SBF2: variants seen among roughly 807,000 people sequenced by gnomAD.
The protein encoded by SBF2 is myotubularin-related protein 13.
In SBF2, 112 loss-of-function variants were observed where a neutral mutation model predicts 225.2. The observed-to-expected ratio is 0.50, with a 90% CI of 0.43 to 0.58. SBF2 has a LOEUF of 0.58. Among genes scored for constraint, SBF2 ranks in the 20% least tolerant of loss-of-function variants. The pLI, the probability that SBF2 is intolerant of heterozygous loss-of-function variation, is 0.00. For synonymous variants in SBF2, 763 were observed against 773.3 expected, an observed-to-expected ratio of 0.99 and a Z score of 0.22; for missense variants, 1,996 against 2,206.2, an observed-to-expected ratio of 0.90 and a Z score of 1.91.
At chr11:10,028,114 A>G (rs555785580) in intron 6 of SBF2, among the ~76,000 whole-genome samples, 2 of 151,954 alleles carry the variant, frequency 1.3e-5, no homozygotes, top group African/African-American at 2.4e-5. Context: ...GGGTCTCACT[A>G]TGTTGTCCAG....
chr11:10,058,168 C>T (rs1340686365), intron 2 of SBF2, among the ~76,000 whole-genome samples: 1 of 152,128 alleles, frequency 6.6e-6, no homozygotes, highest in Non-Finnish European at 1.5e-5. Flanking sequence ...CTAGGCCAAA[C>T]TGGATGGATT....
At chr11:10,018,052 T>C (rs974153449) in intron 6 of SBF2, among the ~76,000 whole-genome samples, 2 of 152,038 alleles carry the variant, frequency 1.3e-5, no homozygotes, top group Non-Finnish European at 1.5e-5. Flanking sequence ...GCCTTGTGAG[T>C]AGAGCAGCAA....
chr11:10,233,001 C>T (rs2135439983), intron 1 of SBF2, among the ~76,000 whole-genome samples: 2 of 152,264 alleles, frequency 1.3e-5, no homozygotes, highest in Middle Eastern at 3.4e-3. Context: ...CCCCAGTTGC[C>T]AGAGGTCATG....
intron 28 of SBF2, chr11:9,828,511 T>C (rs1590170449): frequency 2.0e-6 from 2 of 985,372 alleles, no homozygotes; most frequent in Admixed American, 6.1e-5. Flanking sequence ...TTTCTGCTTA[T>C]GTTGAGCTAA....
intron 1 of SBF2, among the ~76,000 whole-genome samples, chr11:10,245,552 T>C (rs1323336937): frequency 6.6e-6 from 1 of 152,150 alleles, no homozygotes; most frequent in Non-Finnish European, 1.5e-5. Flanking sequence ...TTGGTGGGAC[T>C]ATAAATTGGT....
At chr11:9,904,578 T>C (rs1861977574) in intron 16 of SBF2, among the ~76,000 whole-genome samples, 1 of 152,174 alleles carries the variant, frequency 6.6e-6, no homozygotes, top group Non-Finnish European at 1.5e-5. Flanking sequence ...ATATTGAAGA[T>C]TAAAAGAAAT....
At chr11:9,880,587 T>A (rs1400061256) in intron 17 of SBF2, among the ~76,000 whole-genome samples, 2 of 152,200 alleles carry the variant, frequency 1.3e-5, no homozygotes, top group African/African-American at 4.8e-5. Flanking sequence ...ACTAGCCTAC[T>A]AAGTGGCCTC....
intron 1 of SBF2, among the ~76,000 whole-genome samples, chr11:10,241,076 A>C (rs989920742): frequency 6.6e-6 from 1 of 152,148 alleles, no homozygotes; most frequent in Non-Finnish European, 1.5e-5. Context: ...AGTGGCCAGG[A>C]GCGGTAGCTC....
At chr11:10,064,823 A>C (rs77883822) in intron 2 of SBF2, among the ~76,000 whole-genome samples, 1 of 152,230 alleles carries the variant, frequency 6.6e-6, no homozygotes, top group Non-Finnish European at 1.5e-5. Context: ...AATATCCTCT[A>C]TTTCAGTCAA....
At position 9,858,299 on chromosome 11, in the gene SBF2, G is replaced by C; in HGVS notation, c.2027C>G (p.Ala676Gly). 6.2e-7 allele frequency: 1 copy of C among 1,614,204 alleles called. No homozygotes were observed. The highest frequency in any genetic ancestry group is 8.5e-7 in the Non-Finnish European group (1 of 1,180,024). The part of the protein sequence containing the change: ...QQFWETTFYN[A>G]VQEQVRSLYL... ...AAGGGAGCGAACCTGTTCCTGCACT[G>C]CATTGTAAAAGGTTGTCTCCCAAAA... The change falls in exon 18 of 40, where the codon GCA becomes GGA. Residue 676 changes from alanine (A) to glycine (G), a missense_variant. Physicochemically the swap from Ala to Gly is moderately conservative, Grantham distance 60. Transcript: ENST00000256190.
At chr11:9,905,155 G>A (rs1247380217) in intron 16 of SBF2, among the ~76,000 whole-genome samples, 3 of 152,082 alleles carry the variant, frequency 2.0e-5, no homozygotes, top group Non-Finnish European at 2.9e-5. Flanking sequence ...ATTGTACCTG[G>A]TACATAGAAA....
chr11:10,144,885 C>T (rs1178956669), intron 2 of SBF2, among the ~76,000 whole-genome samples: 2 of 152,192 alleles, frequency 1.3e-5, no homozygotes, highest in African/African-American at 4.8e-5. Context: ...AAATACTAAG[C>T]GTCAAGCAAC....
rs368844154 is a variant in SBF2 at position 9,848,621 on chromosome 11, G to T, written c.2806+1402C>A. On this transcript the variant is annotated intron_variant, in intron 22 of 39. Transcript: ENST00000256190. Reference sequence around the variant, plus strand: ...GACCACATAAGTATCACGTTTACGTGTCCAAAATGTGTGTTTATGGCCATT... The same window carrying T: ...GACCACATAAGTATCACGTTTACGTTTCCAAAATGTGTGTTTATGGCCATT... 2.6e-5 allele frequency among the ~76,000 whole-genome samples: 4 copies of T among 152,358 alleles called. No homozygotes were observed. The East Asian group carries it at 7.7e-4, about 29-fold the overall frequency.
intron 2 of SBF2, among the ~76,000 whole-genome samples, chr11:10,071,575 G>C (rs890768137): frequency 6.6e-6 from 1 of 152,106 alleles, no homozygotes; most frequent in African/African-American, 2.4e-5. Context: ...CATTGTGCCA[G>C]TTTTCAAAGG....
At chr11:10,110,632 C>G (rs568558708) in intron 2 of SBF2, among the ~76,000 whole-genome samples, 32 of 152,168 alleles carry the variant, frequency 2.1e-4, no homozygotes, top group African/African-American at 7.7e-4. Context: ...ACCAATGACA[C>G]GAGTTTTAAA....
intron 17 of SBF2, among the ~76,000 whole-genome samples, chr11:9,879,493 G>A (rs1859556620): frequency 6.6e-6 from 1 of 152,092 alleles, no homozygotes; most frequent in East Asian, 1.9e-4. Context: ...AAAAGTGGAG[G>A]ATGCTGACAT....
intron 2 of SBF2, among the ~76,000 whole-genome samples, chr11:10,060,389 T>G (rs1039266829): frequency 2.0e-5 from 3 of 152,144 alleles, no homozygotes; most frequent in Admixed American, 2.0e-4. Flanking sequence ...CAGTAATAAA[T>G]AGCCTACCAA....
intron 3 of SBF2, among the ~76,000 whole-genome samples, chr11:10,031,685 A>T (rs1949265725): frequency 6.6e-6 from 1 of 152,236 alleles, no homozygotes; most frequent in Non-Finnish European, 1.5e-5. Flanking sequence ...AGTAAAGCAC[A>T]ATCGGCTCTA....
At chr11:9,784,664 C>G (rs1013882773) in intron 37 of SBF2, among the ~76,000 whole-genome samples, 1 of 152,186 alleles carries the variant, frequency 6.6e-6, no homozygotes, top group African/African-American at 2.4e-5. Context: ...CAGTAGCCAT[C>G]CTTTGTGCCA....
Sources: allele counts gnomAD v4.1 joint callset (sites outside exome capture counted in the v4.1 genomes callset), GRCh38; gene constraint gnomAD v4.1.1; transcripts MANE v1.5; gene names NCBI Gene and HGNC (gene_info 2026-07-23, HGNC 2026-07-21).